Variants in PRKAG2 observed in about 807,000 individuals in gnomAD.
PRKAG2 encodes the protein 5'-AMP-activated protein kinase subunit gamma-2.
Under a neutral mutation model 69.6 loss-of-function variants are expected in PRKAG2, and 26 were observed. The observed-to-expected ratio is 0.37, with a 90% CI of 0.27 to 0.52. The LOEUF (loss-of-function observed/expected upper bound fraction) is 0.52. Ranked by LOEUF, PRKAG2 falls within the 20% of genes least tolerant of loss-of-function variation. The pLI is 0.90. For synonymous variants in PRKAG2, 293 were observed against 285.0 expected (o/e 1.03, Z -0.28); for missense variants, 557 against 740.0 (o/e 0.75, Z 2.87).
At chr7:151,783,463 C>T (rs1035699964) in intron 2 of PRKAG2, among the ~76,000 whole-genome samples, 3 of 152,018 alleles carry the variant, frequency 2.0e-5, no homozygotes, top group Non-Finnish European at 4.4e-5. Flanking sequence ...ACCTCAGCCT[C>T]CTGAGTAGCT....
chr7:151,699,377 T>A lies in PRKAG2; in HGVS notation c.467-23740A>T, dbSNP rs1260327728. Among the ~76,000 whole-genome samples the A allele has an allele frequency of 6.6e-6, 1 of 152,158 alleles. No homozygotes were observed. Among genetic ancestry groups the A allele is most frequent in the Non-Finnish European group, 1.5e-5 (1 of 68,034 alleles). On this transcript the variant is annotated intron_variant, in intron 3 of 15. Coordinates refer to ENST00000287878, the MANE Select transcript of PRKAG2 (RefSeq NM_016203.4). The surrounding 1 kb of genome is among the most constrained non-coding windows in gnomAD (Gnocchi z 4.5). ...GATGCCTGTGTGGTTACGATCCGGT[T>A]ACATCTCAGCCCCCTGCTGAGAAAG...
At chr7:151,671,882 C>A (rs1832095651) in intron 4 of PRKAG2, among the ~76,000 whole-genome samples, 1 of 152,188 alleles carries the variant, frequency 6.6e-6, no homozygotes, top group Non-Finnish European at 1.5e-5. Context: ...TGAAATACAC[C>A]CTTTCAAAAT....
chr7:151,609,592 G>A (rs748266973), intron 5 of PRKAG2, among the ~76,000 whole-genome samples: 8 of 151,956 alleles, frequency 5.3e-5, no homozygotes, highest in Non-Finnish European at 5.9e-5. Flanking sequence ...CAATCTGCCC[G>A]TCCCAGGTTC....
chr7:151,677,751 A>T (rs1311387676), intron 3 of PRKAG2, among the ~76,000 whole-genome samples: 1 of 152,164 alleles, frequency 6.6e-6, no homozygotes, highest in Non-Finnish European at 1.5e-5. Flanking sequence ...AAGTAAGACA[A>T]ATGCTGAGCT....
chr7:151,593,078 CA>C (rs1813625728), intron 6 of PRKAG2, among the ~76,000 whole-genome samples: 1 of 152,218 alleles, frequency 6.6e-6, no homozygotes, highest in Non-Finnish European at 1.5e-5. Context: ...ATCCATAAGG[CA>C]TTGCATTTTT....
intron 3 of PRKAG2, among the ~76,000 whole-genome samples, chr7:151,779,931 C>A (rs1563655886): frequency 6.6e-6 from 1 of 152,182 alleles, no homozygotes; most frequent in Non-Finnish European, 1.5e-5. Flanking sequence ...AAGAAAGGGG[C>A]ACCTTAAGGC....
Position 151,771,642 on chromosome 7 carries a change from T to C in PRKAG2, c.466+9510A>G, listed in dbSNP as rs1486852222. On this transcript the variant is annotated intron_variant, in intron 3 of 15. Coordinates refer to ENST00000287878, the MANE Select transcript of PRKAG2 (RefSeq NM_016203.4). The surrounding 1 kb of genome is among the most constrained non-coding windows in gnomAD (Gnocchi z 4.0). ...CCATTGAGTCATTCGCTTCACTGGTTTGTAAATATCTTTGTACATTAGGGA... is the reference window on the plus strand; with the variant it reads ...CCATTGAGTCATTCGCTTCACTGGTCTGTAAATATCTTTGTACATTAGGGA... Among the ~76,000 whole-genome samples, 1 of 152,376 alleles carries C rather than the reference T, an allele frequency of 6.6e-6. No individual in the cohort carries two copies. The highest frequency in any genetic ancestry group is 6.5e-5 in the Admixed American group (1 of 15,314).
intron 1 of PRKAG2, among the ~76,000 whole-genome samples, chr7:151,832,596 G>GGGT (rs1409780740): frequency 1.8e-3 from 2 of 1,106 alleles, no homozygotes; most frequent in Admixed American, 0.022. Flanking sequence ...AGGCATCTCT[G>GGGT]GGGGGGGGGT....
intron 6 of PRKAG2, among the ~76,000 whole-genome samples, chr7:151,584,961 T>G (rs1398278453): frequency 6.6e-6 from 1 of 152,068 alleles, no homozygotes; most frequent in East Asian, 1.9e-4. Context: ...AACTGGATAC[T>G]AGGAGTGTCA....
At chr7:151,782,130 A>AT (rs2076702496) in intron 2 of PRKAG2, among the ~76,000 whole-genome samples, 1 of 151,956 alleles carries the variant, frequency 6.6e-6, no homozygotes, top group Non-Finnish European at 1.5e-5. Flanking sequence ...AAATAAAAAA[A>AT]AAATTAGCTG....
chr7:151,867,714 C>A (rs1464566978), intron 1 of PRKAG2, among the ~76,000 whole-genome samples: 1 of 152,144 alleles, frequency 6.6e-6, no homozygotes, highest in Non-Finnish European at 1.5e-5. Context: ...TCCTCGACAC[C>A]CAGCCCAGTC....
chr7:151,872,782 C>T (rs945612522), intron 1 of PRKAG2, among the ~76,000 whole-genome samples: 1 of 152,176 alleles, frequency 6.6e-6, no homozygotes, highest in Non-Finnish European at 1.5e-5. Flanking sequence ...GGGAGGGAGA[C>T]ACGAGTAAGA....
At chr7:151,722,159 C>A (rs1411683139) in intron 3 of PRKAG2, among the ~76,000 whole-genome samples, 1 of 152,192 alleles carries the variant, frequency 6.6e-6, no homozygotes, top group Admixed American at 6.5e-5. Flanking sequence ...TTGGCTCTCT[C>A]ATTTACCCCC....
intron 1 of PRKAG2, among the ~76,000 whole-genome samples, chr7:151,833,270 G>C (rs1440858155): frequency 6.6e-6 from 1 of 152,190 alleles, no homozygotes; most frequent in Non-Finnish European, 1.5e-5. Flanking sequence ...CTGGGACAGA[G>C]CACCCCGGGC....
intron 1 of PRKAG2, among the ~76,000 whole-genome samples, chr7:151,831,602 T>C (rs1291509301): frequency 6.6e-6 from 1 of 152,202 alleles, no homozygotes; most frequent in African/African-American, 2.4e-5. Context: ...GGCCAATCCT[T>C]ACAGCAGGTT....
At chr7:151,672,520 C>T (rs1232699227) in intron 4 of PRKAG2, among the ~76,000 whole-genome samples, 2 of 152,142 alleles carry the variant, frequency 1.3e-5, no homozygotes, top group Non-Finnish European at 2.9e-5. Flanking sequence ...CTGTCTCCGT[C>T]AAACACTAAC....
chr7:151,809,843 C>T (rs1279143780), intron 1 of PRKAG2: 2 of 152,444 alleles, frequency 1.3e-5, no homozygotes, highest in Non-Finnish European at 2.9e-5. Context: ...GCACATTTCC[C>T]TGCTTTGATG....
chr7:151,795,890 T>TATATATATAAAAAA (rs1491286413), intron 1 of PRKAG2, among the ~76,000 whole-genome samples: 2 of 96,588 alleles, frequency 2.1e-5, no homozygotes, highest in African/African-American at 8.8e-5. Flanking sequence ...TATATATATA[T>TATATATATAAAAAA]CACGATAATA....
chr7:151,778,766 A>G (rs2076525375), intron 3 of PRKAG2, among the ~76,000 whole-genome samples: 1 of 152,190 alleles, frequency 6.6e-6, no homozygotes, highest in Non-Finnish European at 1.5e-5. Context: ...TTAATTACCA[A>G]TAAGTGAAGC....
Sources: allele counts gnomAD v4.1 joint callset (sites outside exome capture counted in the v4.1 genomes callset), GRCh38; gene constraint gnomAD v4.1.1; non-coding constraint Gnocchi (gnomAD v3.1); transcripts MANE v1.5; gene names NCBI Gene and HGNC (gene_info 2026-07-23, HGNC 2026-07-21).